The following RAPGEF6 variants were observed in gnomAD, a reference collection of about 807,000 sequenced individuals.
RAPGEF6 encodes the protein PDZ domain containing guanine nucleotide exchange factor (GEF) 2.
RAPGEF6 carries 56 observed loss-of-function variants against 171.4 expected under a neutral mutation model. The ratio of observed to expected loss-of-function variants is 0.33; its 90% CI spans 0.26 to 0.41. The LOEUF (loss-of-function observed/expected upper bound fraction) is 0.41, where lower values mean the gene tolerates loss of function less well. Among genes scored for constraint, RAPGEF6 ranks in the 10% least tolerant of loss-of-function variants. The probability of loss-of-function intolerance (pLI) is 1.00; values close to 1 mark genes in which losing one functional copy is unlikely to be tolerated. For missense variants in RAPGEF6, 1,674 were observed against 1,921.4 expected (o/e 0.87, Z 2.41); for synonymous variants, 692 against 650.1 (o/e 1.06, Z -0.98).
intron 7 of RAPGEF6, among the ~76,000 whole-genome samples, chr5:131,515,564 T>C (rs142276262): frequency 7.6e-4 from 115 of 152,264 alleles, no homozygotes; most frequent in South Asian, 6.6e-3. Context: ...CTGCACTCCA[T>C]AAATTTACTC....
intron 23 of RAPGEF6, 70 bp downstream of exon 23, chr5:131,442,279 A>C: frequency 7.2e-7 from 1 of 1,391,208 alleles, no homozygotes; most frequent in Non-Finnish European, 9.8e-7. Flanking sequence ...GAACATCTGT[A>C]ATTATTTTTC....
chr5:131,513,976 C>T (rs964124175), intron 7 of RAPGEF6, among the ~76,000 whole-genome samples: 4 of 152,034 alleles, frequency 2.6e-5, no homozygotes, highest in Non-Finnish European at 5.9e-5. Context: ...TGCAGTGAGC[C>T]GAGATCTTGC....
At chr5:131,446,740 A>C in intron 21 of RAPGEF6, 37 bp from the exon 22 acceptor site, 1 of 1,547,410 alleles carries the variant, frequency 6.5e-7, no homozygotes, top group African/African-American at 1.4e-5. Context: ...GGGGCTATAG[A>C]GATGAGAACT....
At chr5:131,430,034 A>T (rs1340512519) in intron 26 of RAPGEF6, among the ~76,000 whole-genome samples, 1 of 149,486 alleles carries the variant, frequency 6.7e-6, no homozygotes, top group African/African-American at 2.5e-5. Flanking sequence ...TGGGCAATAC[A>T]GCAAGAGTCC....
chr5:131,508,052 A>AATTT lies in RAPGEF6; in HGVS notation c.942+15_942+18dup. 6.4e-7 allele frequency: 1 copy of AATTT among 1,557,496 alleles called. No individual in the cohort carries two copies. Among genetic ancestry groups the AATTT allele is most frequent in the Non-Finnish European group, 8.7e-7 (1 of 1,147,454 alleles). On this transcript the variant is annotated intron_variant, in intron 9 of 27. Transcript: ENST00000509018. ...GTTAGTATCCATAATAAATGTATGT[A>AATTT]ATTTATTTATTGACCTACCTCTTGC... is the stretch of plus-strand genomic sequence containing the variant.
intron 4 of RAPGEF6, among the ~76,000 whole-genome samples, chr5:131,583,868 T>C (rs1300913094): frequency 1.3e-5 from 2 of 152,306 alleles, no homozygotes; most frequent in Admixed American, 6.5e-5. Flanking sequence ...AAATGAAATA[T>C]TGATACACAT....
Position 131,492,795 on chromosome 5 carries a change from A to G in RAPGEF6, c.1528-10T>C. On this transcript the variant is annotated splice_polypyrimidine_tract_variant and intron_variant, in intron 13 of 27. Transcript: ENST00000509018. ...GATGACCATTCATCTTCTGTTAAGC[A>G]GAAAAGGATAAATGTATATAAATGT... is the stretch of plus-strand genomic sequence containing the variant. 1.9e-6 allele frequency: 3 copies of G among 1,601,964 alleles called. No homozygotes were observed. Among genetic ancestry groups the G allele is most frequent in the Non-Finnish European group, 2.6e-6 (3 of 1,168,972 alleles).
intron 15 of RAPGEF6, among the ~76,000 whole-genome samples, chr5:131,485,682 C>T (rs1220021095): frequency 6.6e-6 from 1 of 152,122 alleles, no homozygotes; most frequent in Non-Finnish European, 1.5e-5. Flanking sequence ...TTGCCTGTTG[C>T]TATTTGCTTT....
In RAPGEF6 at chr5:131,581,130, G is replaced by A. The variant is rs553266517; in HGVS notation, c.281+11253C>T. 3.9e-5 allele frequency among the ~76,000 whole-genome samples: 6 copies of A among 152,308 alleles called. No homozygotes were observed. The East Asian group carries it at 1.2e-3, about 29-fold the overall frequency. On this transcript the variant is annotated intron_variant, in intron 4 of 27. Transcript: ENST00000509018. ...AAACTTTATCTGTCCTCCAAGCTCAGGTTGACTCTTTAGCCGCAGCTGTCC... is the reference window on the plus strand; with the variant it reads ...AAACTTTATCTGTCCTCCAAGCTCAAGTTGACTCTTTAGCCGCAGCTGTCC...
At chr5:131,472,425 A>T in intron 17 of RAPGEF6, 162 bp downstream of exon 17, 1 of 835,146 alleles carries the variant, frequency 1.2e-6, no homozygotes, top group Non-Finnish European at 2.0e-6. Flanking sequence ...AGTACCATTC[A>T]AATTAACAGA....
rs1294928709 is a variant in RAPGEF6 at position 131,481,318 on chromosome 5, C to A, written c.1841-1565G>T. 3.9e-5 allele frequency among the ~76,000 whole-genome samples: 6 copies of A among 152,078 alleles called. No homozygotes were observed. The South Asian group carries it at 6.2e-4, about 16-fold the overall frequency. Reference sequence around the variant, plus strand: ...AGGGCTCACTGCAGCCTGGACCTCCCTAAGCTCAGGTGATCCTCCCACCTC... The same window carrying A: ...AGGGCTCACTGCAGCCTGGACCTCCATAAGCTCAGGTGATCCTCCCACCTC... On this transcript the variant is annotated intron_variant, in intron 15 of 27. Coordinates refer to ENST00000509018, the MANE Select transcript of RAPGEF6 (RefSeq NM_016340.6).
intron 15 of RAPGEF6, among the ~76,000 whole-genome samples, chr5:131,485,257 C>A (rs1172138118): frequency 6.6e-6 from 1 of 152,130 alleles, no homozygotes; most frequent in East Asian, 1.9e-4. Context: ...TTTTAGAAAG[C>A]TGTGGAAGCC....
rs540591629 is a variant in RAPGEF6, at chr5:131,476,599, T to C, written c.2081+2914A>G. On this transcript the variant is annotated intron_variant, in intron 16 of 27. Transcript: ENST00000509018. ...CCTCAGCCTCCCGAGTAACTGGGAT[T>C]ACAGGCATGTGCCACCATGCCCAGC... 5.3e-5 allele frequency among the ~76,000 whole-genome samples: 8 copies of C among 152,294 alleles called. 1 individual carries two copies. In the South Asian group the frequency reaches 1.7e-3, roughly 32 times the overall value.
In RAPGEF6 at chr5:131,634,955, G is replaced by C; in HGVS notation, c.69+7C>G. On this transcript the variant is annotated splice_region_variant and intron_variant, in intron 1 of 27. Coordinates refer to ENST00000509018, the MANE Select transcript of RAPGEF6 (RefSeq NM_016340.6). ...GTGAGACGCACATAAAGGTCAACCA[G>C]CCTCACCTCGGGAGTCCGCTCGGGT... is the stretch of plus-strand genomic sequence containing the variant. 1 of 1,614,124 alleles carries C rather than the reference G, an allele frequency of 6.2e-7. No homozygotes were observed.
Position 131,453,785 on chromosome 5 carries a change from T to C in RAPGEF6, c.3077-608A>G, listed in dbSNP as rs144656279. ...CATACGGTAAACAGCACGTATAGAT[T>C]GGACACATGAATTGTTCAGGGTCTC... On this transcript the variant is annotated intron_variant, in intron 20 of 27. Coordinates refer to ENST00000509018, the MANE Select transcript of RAPGEF6 (RefSeq NM_016340.6). 1.8e-4 allele frequency among the ~76,000 whole-genome samples: 28 copies of C among 152,328 alleles called. No individual in the cohort carries two copies. In the East Asian group the frequency reaches 5.0e-3, roughly 27 times the overall value.
chr5:131,594,560 G>C (rs1353253241), intron 3 of RAPGEF6, among the ~76,000 whole-genome samples: 2 of 152,220 alleles, frequency 1.3e-5, no homozygotes, highest in East Asian at 3.9e-4. Flanking sequence ...CTGCGAAAAG[G>C]GGGCCATTGT....
Position 131,528,222 on chromosome 5 carries a change from AATAAT to A in RAPGEF6, c.496-6706_496-6702del, listed in dbSNP as rs559855273. Among the ~76,000 whole-genome samples the A allele has an allele frequency of 8.1e-3, 926 of 114,710 alleles. 50 individuals are homozygous for A. The highest frequency in any genetic ancestry group is 0.04 in the East Asian group (198 of 4,980). 75.3% of individuals were successfully genotyped at this position (114,710 alleles called of 152,430 possible). ...TATATATTATATATAAATAAAATAA[AATAAT>A]ATATTTATATATCATATATATAAAT... is the stretch of plus-strand genomic sequence containing the variant. On this transcript the variant is annotated intron_variant, in intron 6 of 27. Coordinates refer to ENST00000509018, the MANE Select transcript of RAPGEF6 (RefSeq NM_016340.6).
intron 14 of RAPGEF6, among the ~76,000 whole-genome samples, chr5:131,490,770 G>A (rs553276161): frequency 1.3e-5 from 2 of 152,064 alleles, no homozygotes; most frequent in Non-Finnish European, 2.9e-5. Flanking sequence ...ACTAAAAGAA[G>A]TACCAAAGAC....
chr5:131,564,490 A>C (rs1023620331), intron 4 of RAPGEF6, among the ~76,000 whole-genome samples: 1 of 152,250 alleles, frequency 6.6e-6, no homozygotes, highest in African/African-American at 2.4e-5. Context: ...TAAAGCTCAG[A>C]ATAATCAAAT....
Sources: allele counts gnomAD v4.1 joint callset (sites outside exome capture counted in the v4.1 genomes callset), GRCh38; gene constraint gnomAD v4.1.1; transcripts MANE v1.5; gene names NCBI Gene and HGNC (gene_info 2026-07-23, HGNC 2026-07-21).